Variants in AGBL1 observed in about 807,000 individuals in gnomAD.
AGBL1 encodes the protein cytosolic carboxypeptidase 4.
In AGBL1, 130 loss-of-function variants were observed where a neutral mutation model predicts 118.9. The observed-to-expected ratio is 1.09, with a 90% CI of 0.95 to 1.26. The LOEUF is 1.26. Ranked by LOEUF, AGBL1 falls within the 50% of genes most tolerant of loss-of-function variation. The pLI is 0.00. For missense variants in AGBL1, 1,584 were observed against 1,298.1 expected (o/e 1.22, Z -3.38); for synonymous variants, 555 against 478.9 (o/e 1.16, Z -2.08).
At chr15:86,421,089 C>T (rs2081783081) in intron 18 of AGBL1, among the ~76,000 whole-genome samples, 1 of 152,016 alleles carries the variant, frequency 6.6e-6, no homozygotes, top group Admixed American at 6.5e-5. Context: ...GCCAACATTC[C>T]AATTCAGGAA....
intron 21 of AGBL1, among the ~76,000 whole-genome samples, chr15:86,599,179 T>A (rs1453387621): frequency 6.6e-6 from 1 of 152,178 alleles, no homozygotes; most frequent in Non-Finnish European, 1.5e-5. Flanking sequence ...ACTAAGTTTT[T>A]AAGCCAGAGT....
intron 11 of AGBL1, among the ~76,000 whole-genome samples, chr15:86,265,559 A>T (rs2079058348): frequency 6.6e-6 from 1 of 152,194 alleles, no homozygotes. Context: ...AAGTTTTCTT[A>T]TTATCCACGT....
chr15:86,925,164 G>GGAGGAA (rs1385344126), intron 23 of AGBL1, among the ~76,000 whole-genome samples: 1 of 122,826 alleles, frequency 8.1e-6, no homozygotes, highest in Admixed American at 7.9e-5. Context: ...AGGAGGAGGA[G>GGAGGAA]GAGGAAGAGG....
chr15:86,848,033 G>GT (rs1489272157), intron 22 of AGBL1, among the ~76,000 whole-genome samples: 1 of 152,122 alleles, frequency 6.6e-6, no homozygotes, highest in South Asian at 2.1e-4. Context: ...AGTGTGGGGT[G>GT]TTTTTTTCCT....
intron 21 of AGBL1, among the ~76,000 whole-genome samples, chr15:86,617,120 G>C (rs894804288): frequency 2.0e-5 from 3 of 152,070 alleles, no homozygotes; most frequent in African/African-American, 7.2e-5. Context: ...AGTACCTTTG[G>C]CCTGACTTCC....
intron 22 of AGBL1, among the ~76,000 whole-genome samples, chr15:86,904,588 TAAG>T (rs1399700061): frequency 2.1e-5 from 3 of 145,778 alleles, no homozygotes; most frequent in Non-Finnish European, 4.6e-5. Context: ...TCATATATAA[TAAG>T]TATTATATAT....
intron 22 of AGBL1, among the ~76,000 whole-genome samples, chr15:86,897,377 C>G (rs868147855): frequency 3.9e-4 from 59 of 152,070 alleles, no homozygotes; most frequent in African/African-American, 1.4e-3. Flanking sequence ...CCATTTTGAG[C>G]TACAAGTAAG....
chr15:86,144,923 G>T (rs1465032830), intron 3 of AGBL1, among the ~76,000 whole-genome samples: 1 of 152,208 alleles, frequency 6.6e-6, no homozygotes, highest in African/African-American at 2.4e-5. Context: ...CTGTTAGGAG[G>T]TCAGAAGTCC....
At chr15:86,462,684 G>A (rs187231058) in intron 18 of AGBL1, among the ~76,000 whole-genome samples, 55 of 152,158 alleles carry the variant, frequency 3.6e-4, no homozygotes, top group African/African-American at 1.2e-3. Context: ...AACATGCGGT[G>A]TTTGGTTTTC....
chr15:86,718,946 T>A (rs571608258), intron 22 of AGBL1, among the ~76,000 whole-genome samples: 1 of 152,266 alleles, frequency 6.6e-6, no homozygotes, highest in Non-Finnish European at 1.5e-5. Flanking sequence ...CTGCGTCTGG[T>A]ACTGCTAAAA....
chr15:86,316,943 G>A (rs2080021874), intron 17 of AGBL1: 1 of 152,222 alleles, frequency 6.6e-6, no homozygotes, highest in African/African-American at 2.4e-5. Context: ...TCTTGTGTAG[G>A]ATGATTGTGG....
At chr15:86,451,182 A>G (rs1596131088) in intron 18 of AGBL1, among the ~76,000 whole-genome samples, 3 of 149,076 alleles carry the variant, frequency 2.0e-5, no homozygotes, top group East Asian at 3.9e-4. Flanking sequence ...TTTCCCACCC[A>G]CTAAATTTCA....
At chr15:86,808,627 C>T (rs1032775303) in intron 22 of AGBL1, among the ~76,000 whole-genome samples, 2 of 144,708 alleles carry the variant, frequency 1.4e-5, no homozygotes, top group African/African-American at 5.1e-5. Flanking sequence ...CCCTTTCTTT[C>T]CTCCTTCCTT....
At chr15:86,285,220 C>T (rs969298787) in intron 16 of AGBL1, among the ~76,000 whole-genome samples, 2 of 152,078 alleles carry the variant, frequency 1.3e-5, no homozygotes, top group African/African-American at 4.8e-5. Context: ...AAATAATCCC[C>T]TAAAAGTAGA....
chr15:86,711,341 T>C (rs373358563), intron 22 of AGBL1, among the ~76,000 whole-genome samples: 1 of 152,226 alleles, frequency 6.6e-6, no homozygotes, highest in Non-Finnish European at 1.5e-5. Context: ...AAATGAGTTC[T>C]GCAGTACTTT....
intron 21 of AGBL1, among the ~76,000 whole-genome samples, chr15:86,611,595 G>T (rs1232705477): frequency 6.6e-6 from 1 of 152,088 alleles, no homozygotes; most frequent in Non-Finnish European, 1.5e-5. Context: ...GCATCCTGTT[G>T]CAATTTACAA....
At chr15:86,409,693 C>T (rs1431241) in intron 18 of AGBL1, among the ~76,000 whole-genome samples, 5 of 152,032 alleles carry the variant, frequency 3.3e-5, no homozygotes, top group Admixed American at 6.5e-5. Flanking sequence ...GGTTTCCCCC[C>T]CTCACTTCCC....
chr15:86,403,907 AG>A (rs2141999872), intron 18 of AGBL1, among the ~76,000 whole-genome samples: 1 of 152,344 alleles, frequency 6.6e-6, no homozygotes, highest in South Asian at 2.1e-4. Context: ...GAGACCAAAG[AG>A]GTAAGTGAGT....
intron 21 of AGBL1, among the ~76,000 whole-genome samples, chr15:86,660,322 C>T (rs1301009573): frequency 6.6e-6 from 1 of 151,984 alleles, no homozygotes; most frequent in Admixed American, 6.6e-5. Context: ...ATTGCTACAG[C>T]TATACATAAA....
Sources: allele counts gnomAD v4.1 joint callset (sites outside exome capture counted in the v4.1 genomes callset), GRCh38; gene constraint gnomAD v4.1.1; transcripts MANE v1.5; gene names NCBI Gene and HGNC (gene_info 2026-07-23, HGNC 2026-07-21).